Variants in CERCAM observed in about 807,000 individuals in gnomAD.
The protein encoded by CERCAM is cerebral endothelial cell adhesion molecule, also known as inactive glycosyltransferase 25 family member 3.
In CERCAM, 59 loss-of-function variants were observed where a neutral mutation model predicts 66.0. That is an observed-to-expected ratio of 0.89 (90% CI 0.73 to 1.11). The LOEUF (loss-of-function observed/expected upper bound fraction) is 1.11, where lower values mean the gene tolerates loss of function less well. Ranked by LOEUF, CERCAM falls within the 50% of genes most tolerant of loss-of-function variation. The pLI, the probability that CERCAM is intolerant of heterozygous loss-of-function variation, is 0.00. For synonymous variants in CERCAM, 318 were observed against 343.6 expected (o/e 0.93, Z 0.83); for missense variants, 840 against 828.3 (o/e 1.01, Z -0.17).
intron 5 of CERCAM, among the ~76,000 whole-genome samples, chr9:128,425,277 G>C (rs765058437): frequency 6.7e-6 from 1 of 149,766 alleles, no homozygotes; most frequent in African/African-American, 2.5e-5. Flanking sequence ...GGATGGTCTC[G>C]ATCTCCTGAC....
At chr9:128,433,095 C>T (rs371440588) in intron 9 of CERCAM, among the ~76,000 whole-genome samples, 1 of 151,922 alleles carries the variant, frequency 6.6e-6, no homozygotes, top group Non-Finnish European at 1.5e-5. Context: ...CTGGCTAACA[C>T]GGTGAAACCC....
chr9:128,428,796 G>C lies in CERCAM; in HGVS notation c.926G>C (p.Arg309Pro), dbSNP rs143862996. 2 of 1,613,804 alleles carry C rather than the reference G, an allele frequency of 1.2e-6. No homozygotes were observed. The highest frequency in any genetic ancestry group is 4.5e-5 in the East Asian group (2 of 44,878). ...PRMQASAHVT[R>P]PSKRPSKIGF... ...ATGCAGGCCTCAGCTCATGTGACTC[G>C]GCCCTCTAAGAGGCCCAGCAAGATA... The change falls in exon 7 of 13, where the codon CGG becomes CCG. Residue 309 changes from arginine to proline, a missense_variant. Coordinates refer to ENST00000372838, the MANE Select transcript of CERCAM (RefSeq NM_016174.5).
Position 128,434,526 on chromosome 9 carries a change from G to T in CERCAM, c.1448G>T (p.Gly483Val). Residue 483 changes from glycine (G) to valine (V), a missense_variant, in exon 11 of 13, where the codon GGT becomes GTT. Coordinates refer to ENST00000372838, the MANE Select transcript of CERCAM (RefSeq NM_016174.5). The surrounding 1 kb of genome is among the most constrained non-coding windows in gnomAD (Gnocchi z 4.5). ...CTGGCCTATGCCCTGCGTCTGGCGG[G>T]TGCCCGCAAGCTGCTGGCCTCACAG... Reference protein sequence around the residue: ...WTLAYALRLAGARKLLASQPL... With the variant: ...WTLAYALRLAVARKLLASQPL... 1 of 1,612,908 alleles carries T rather than the reference G, an allele frequency of 6.2e-7. No individual in the cohort carries two copies. Among genetic ancestry groups the T allele is most frequent in the Non-Finnish European group, 8.5e-7 (1 of 1,179,962 alleles).
chr9:128,421,151 T>G, intron 1 of CERCAM, 77 bp downstream of exon 1: 1 of 1,258,832 alleles, frequency 7.9e-7, no homozygotes, highest in Non-Finnish European at 1.0e-6. Flanking sequence ...CCGGCGGCCC[T>G]GTCTGCTCGC....
At position 128,434,184 on chromosome 9, in the gene CERCAM, G is replaced by T. The variant is rs114084202; in HGVS notation, c.1286G>T (p.Arg429Leu). The change falls in exon 10 of 13, where the codon CGG (arginine) becomes CTG (leucine). Residue 429 changes from arginine to leucine, a missense_variant. Physicochemically the swap from Arg to Leu is moderately radical, Grantham distance 102. Coordinates refer to ENST00000372838, the MANE Select transcript of CERCAM (RefSeq NM_016174.5). This position sits in a 1 kb window ranked among gnomAD's most constrained non-coding sequence, Gnocchi z 4.5. ...FESNFRGRLE[R>L]LMEDVEAEKL... ...AGCAACTTCAGGGGGCGGCTGGAGC[G>T]GCTGATGGAGGATGTGGAGGCAGAG... 1.2e-6 allele frequency: 2 copies of T among 1,614,136 alleles called. No homozygotes were observed. Among genetic ancestry groups the T allele is most frequent in the African/African-American group, 1.3e-5 (1 of 75,016 alleles).
intron 12 of CERCAM, among the ~76,000 whole-genome samples, chr9:128,436,570 G>T (rs1432250500): frequency 3.3e-5 from 5 of 151,990 alleles, no homozygotes; most frequent in Admixed American, 3.3e-4. Flanking sequence ...AGTAGAGACA[G>T]GGTGTCATCA....
rs1267514750 is a variant in CERCAM, at chr9:128,434,371, G to A, written c.1332-39G>A. ...TGTGGGAGGGTCCCATGACACCCAG[G>A]ACCTAAGTGACTCCTGGGCCCCTTG... On this transcript the variant is annotated intron_variant, in intron 10 of 12. Coordinates refer to ENST00000372838, the MANE Select transcript of CERCAM (RefSeq NM_016174.5). This position sits in a 1 kb window ranked among gnomAD's most constrained non-coding sequence, Gnocchi z 4.5. 6.2e-7 allele frequency: 1 copy of A among 1,610,702 alleles called. No individual in the cohort carries two copies. Among genetic ancestry groups the A allele is most frequent in the Non-Finnish European group, 8.5e-7 (1 of 1,177,722 alleles).
At chr9:128,435,572 A>G in intron 11 of CERCAM, 81 bp from the exon 12 acceptor site, 17 of 1,483,072 alleles carry the variant, frequency 1.1e-5, no homozygotes, top group Non-Finnish European at 1.4e-5. Context: ...TGGGCAGGCA[A>G]GGTGCCTGGC....
At chr9:128,422,579 A>G (rs1165631156) in intron 1 of CERCAM, 1 of 340,438 alleles carries the variant, frequency 2.9e-6, no homozygotes, top group Admixed American at 4.1e-5. Context: ...AAAAAAATGC[A>G]TTATTCTTCT....
intron 5 of CERCAM, among the ~76,000 whole-genome samples, chr9:128,426,563 T>A (rs951654973): frequency 4.5e-4 from 67 of 150,376 alleles, no homozygotes; most frequent in Non-Finnish European, 8.9e-4. Context: ...GAGCTTGCAG[T>A]GAGCCGAGAT....
chr9:128,425,699 C>CG (rs1833829303), intron 5 of CERCAM, among the ~76,000 whole-genome samples: 2 of 150,748 alleles, frequency 1.3e-5, no homozygotes, highest in Non-Finnish European at 3.0e-5. Context: ...TTAGTAGAGA[C>CG]GGGGTTTCTC....
upstream of CERCAM, chr9:128,420,794 C>A: frequency 3.8e-6 from 2 of 521,302 alleles, no homozygotes; most frequent in Non-Finnish European, 5.5e-6. This position sits in a 1 kb window ranked among gnomAD's most constrained non-coding sequence, Gnocchi z 5.0. Flanking sequence ...TCTGCCTCGG[C>A]CCCGCCCGGG....
upstream of CERCAM, chr9:128,420,131 G>C (rs1003851812): frequency 6.6e-6 from 1 of 152,612 alleles, no homozygotes; most frequent in Non-Finnish European, 1.5e-5. This position sits in a 1 kb window ranked among gnomAD's most constrained non-coding sequence, Gnocchi z 5.0. Flanking sequence ...GTCTCCCAAA[G>C]TGCCGGGATT....
At chr9:128,430,739 GGC>G (rs1833955106) in intron 8 of CERCAM, 1 of 159,816 alleles carries the variant, frequency 6.3e-6, no homozygotes, top group African/African-American at 2.4e-5. Flanking sequence ...GAGGTGGCTG[GGC>G]GTGGTGGCTC....
At chr9:128,420,670 C>G (rs1833685436), upstream of CERCAM, 1 of 230,186 alleles carries the variant, frequency 4.3e-6, no homozygotes. This position sits in a 1 kb window ranked among gnomAD's most constrained non-coding sequence, Gnocchi z 5.0. Flanking sequence ...GGCGCGGGTC[C>G]CCGGGCCCTG....
At chr9:128,431,135 A>C in intron 8 of CERCAM, 36 bp from the exon 9 acceptor site, 1 of 1,607,214 alleles carries the variant, frequency 6.2e-7, no homozygotes, top group Non-Finnish European at 8.5e-7. Context: ...GGTCTCTGGC[A>C]GGCACCCCTC....
Position 128,434,422 on chromosome 9 carries a change from G to A in CERCAM, c.1344G>A (p.Arg448=). 1.2e-6 allele frequency: 2 copies of A among 1,614,028 alleles called. No homozygotes were observed. ...KLSWDLIYLG[R]KQVNPEKETA... ...GTGTCACTTACAGCTACCTCGGACGGAAGCAGGTGAACCCTGAGAAGGAGA... is the reference window on the plus strand; with the variant it reads ...GTGTCACTTACAGCTACCTCGGACGAAAGCAGGTGAACCCTGAGAAGGAGA... Residue 448 remains arginine, a synonymous_variant, in exon 11 of 13, where the codon CGG becomes CGA. Coordinates refer to ENST00000372838, the MANE Select transcript of CERCAM (RefSeq NM_016174.5). The surrounding 1 kb of genome is among the most constrained non-coding windows in gnomAD (Gnocchi z 4.5).
chr9:128,423,325 T>C (rs1833756579), intron 3 of CERCAM, 62 bp downstream of exon 3: 2 of 1,405,478 alleles, frequency 1.4e-6, no homozygotes, highest in East Asian at 4.6e-5. Flanking sequence ...CTGATAGAAA[T>C]CTGGGTATAG....
intron 8 of CERCAM, among the ~76,000 whole-genome samples, chr9:128,430,403 C>A (rs1833947698): frequency 6.6e-6 from 1 of 151,032 alleles, no homozygotes; most frequent in South Asian, 2.1e-4. Flanking sequence ...GACTCTGTCT[C>A]AAAAAAAATT....
Sources: gnomAD v4.1 joint callset for allele counts (sites outside exome capture counted in the v4.1 genomes callset) on GRCh38, gnomAD v4.1.1 for gene constraint, Gnocchi (gnomAD v3.1) non-coding constraint, MANE v1.5 for transcripts, NCBI Gene and HGNC (gene_info 2026-07-23, HGNC 2026-07-21) for gene names.